DAPK1: variants seen among roughly 807,000 people sequenced by gnomAD.
DAPK1 encodes the protein death associated protein kinase 1, also known as death-associated protein kinase 1.
Under a neutral mutation model 144.9 loss-of-function variants are expected in DAPK1, and 56 were observed. The observed-to-expected ratio is 0.39, with a 90% CI of 0.31 to 0.48. DAPK1 has a LOEUF of 0.48. Among genes scored for constraint, DAPK1 ranks in the 20% least tolerant of loss-of-function variants. The pLI, the probability that DAPK1 is intolerant of heterozygous loss-of-function variation, is 0.95. For synonymous variants in DAPK1, 690 were observed against 749.0 expected, an observed-to-expected ratio of 0.92 and a Z score of 1.29; for missense variants, 1,454 against 1,875.4, an observed-to-expected ratio of 0.78 and a Z score of 4.15.
intron 2 of DAPK1, 178 bp downstream of exon 2, chr9:87,499,317 G>A: frequency 1.6e-6 from 1 of 610,134 alleles, no homozygotes; most frequent in Non-Finnish European, 2.9e-6. Context: ...CCAAGGGCCT[G>A]GGGGTGGAGG....
At position 87,632,578 on chromosome 9, in the gene DAPK1, AGG is replaced by A. The variant is rs1829736867; in HGVS notation, c.285-5363_285-5362del. 56 of 975,300 alleles carry A rather than the reference AGG, an allele frequency of 5.7e-5. 1 individual carries two copies. The African/African-American group carries it at 9.1e-4, about 16-fold the overall frequency. The allele number at this position is 975,300 out of a possible 1,614,324, so 60.4% of individuals were successfully genotyped here. A position where few individuals can be genotyped will look rare whatever the true frequency, so the allele number is the denominator to read the frequency against. On this transcript the variant is annotated intron_variant, in intron 3 of 25. Coordinates refer to ENST00000408954, the MANE Select transcript of DAPK1 (RefSeq NM_004938.4). The stretch of plus-strand genomic sequence containing the variant: ...GATGAAGGAGGATGAGTATACATGT[AGG>A]GATGAAGGAGGATGAGTATGTATAT...
intron 18 of DAPK1, among the ~76,000 whole-genome samples, chr9:87,658,768 T>C (rs1830722353): frequency 1.3e-5 from 2 of 152,260 alleles, no homozygotes; most frequent in South Asian, 4.1e-4. Flanking sequence ...TGCAATTTTA[T>C]GGCTGCAGTG....
intron 19 of DAPK1, among the ~76,000 whole-genome samples, chr9:87,671,978 C>T (rs1213698044): frequency 2.0e-5 from 3 of 152,202 alleles, no homozygotes; most frequent in Admixed American, 6.5e-5. Context: ...AGCTCCGCCA[C>T]GCTCTAGCTA....
At chr9:87,661,490 T>C (rs1380426945) in intron 18 of DAPK1, among the ~76,000 whole-genome samples, 1 of 152,166 alleles carries the variant, frequency 6.6e-6, no homozygotes. Context: ...ACATCTGTTA[T>C]TTTTTGACTT....
intron 3 of DAPK1, among the ~76,000 whole-genome samples, chr9:87,624,588 G>A (rs36209408): frequency 0.013 from 1,931 of 152,268 alleles, 53 homozygotes; most frequent in African/African-American, 0.044. Flanking sequence ...TACCAGAGGT[G>A]CAGAAAGGTT....
In DAPK1 at chr9:87,649,600, A is replaced by G. The variant is rs146794835; in HGVS notation, c.1429-321A>G. 3.7e-3 allele frequency among the ~76,000 whole-genome samples: 557 copies of G among 152,332 alleles called. 6 individuals carry two copies. Among genetic ancestry groups the G allele is most frequent in the African/African-American group, 0.013 (520 of 41,582 alleles). On this transcript the variant is annotated intron_variant, in intron 15 of 25. Transcript: ENST00000408954. Reference sequence around the variant, plus strand: ...GCACGAAGGCTCTATTGTTCAGACAAGCAGGGCCGATGGTTTCAACGGGCT... The same window carrying G: ...GCACGAAGGCTCTATTGTTCAGACAGGCAGGGCCGATGGTTTCAACGGGCT...
intron 3 of DAPK1, among the ~76,000 whole-genome samples, chr9:87,612,513 C>A (rs1828965151): frequency 6.6e-6 from 1 of 152,106 alleles, no homozygotes; most frequent in Non-Finnish European, 1.5e-5. Context: ...GACTGCCAGC[C>A]CCCAAAACTA....
chr9:87,639,241 T>G, intron 4 of DAPK1, 113 bp from the exon 5 acceptor site: 1 of 1,006,708 alleles, frequency 9.9e-7, no homozygotes, highest in Non-Finnish European at 1.4e-6. Context: ...CAACCACCCT[T>G]TCTTCCCTAC....
chr9:87,511,869 C>T (rs908507541), intron 2 of DAPK1, among the ~76,000 whole-genome samples: 1 of 151,976 alleles, frequency 6.6e-6, no homozygotes, highest in Non-Finnish European at 1.5e-5. Context: ...TGCCACTACA[C>T]CCAGCTAATT....
intron 2 of DAPK1, among the ~76,000 whole-genome samples, chr9:87,574,562 A>AT (rs1827473426): frequency 6.6e-6 from 1 of 152,190 alleles, no homozygotes; most frequent in African/African-American, 2.4e-5. Flanking sequence ...TAATAATTTA[A>AT]TTAATTACAG....
At chr9:87,522,912 A>G (rs183728755) in intron 2 of DAPK1, among the ~76,000 whole-genome samples, 1 of 151,852 alleles carries the variant, frequency 6.6e-6, no homozygotes, top group Non-Finnish European at 1.5e-5. Flanking sequence ...TTCTATTCAT[A>G]CTCTTTGCCC....
chr9:87,586,246 C>T (rs1440100553), intron 2 of DAPK1, among the ~76,000 whole-genome samples: 1 of 152,126 alleles, frequency 6.6e-6, no homozygotes, highest in African/African-American at 2.4e-5. Flanking sequence ...TGAGATAGCG[C>T]CCCACTGCAC....
At chr9:87,674,514 CAAAAAAAAAA>C (rs35817698) in intron 19 of DAPK1, among the ~76,000 whole-genome samples, 6 of 67,628 alleles carry the variant, frequency 8.9e-5, no homozygotes, top group East Asian at 4.0e-4. Flanking sequence ...GACTCTGTCT[CAAAAAAAAAA>C]AAAAAAAAAA....
At position 87,608,114 on chromosome 9, in the gene DAPK1, A is replaced by G. The variant is rs143860745; in HGVS notation, c.284+2939A>G. Among the ~76,000 whole-genome samples, 16 of 152,332 alleles carry G rather than the reference A, an allele frequency of 1.1e-4. No individual in the cohort carries two copies. The East Asian group carries it at 2.9e-3, about 28-fold the overall frequency. On this transcript the variant is annotated intron_variant, in intron 3 of 25. Transcript: ENST00000408954. The stretch of plus-strand genomic sequence containing the variant: ...ATCAGCAAGGGGGAAGTTCACCCCT[A>G]TGATTCATTCACCTCCCACCAGGCC...
chr9:87,507,086 G>A (rs1824629588), intron 2 of DAPK1: 1 of 152,230 alleles, frequency 6.6e-6, no homozygotes, highest in Admixed American at 6.5e-5. Flanking sequence ...GGAGATACCT[G>A]ACAAGCGTGG....
chr9:87,679,381 G>A (rs1824518816), intron 19 of DAPK1, among the ~76,000 whole-genome samples: 1 of 152,098 alleles, frequency 6.6e-6, no homozygotes, highest in Non-Finnish European at 1.5e-5. Context: ...GTGAGGAAGA[G>A]GCTTCAGGCT....
chr9:87,639,008 A>G (rs535461038), intron 4 of DAPK1, among the ~76,000 whole-genome samples: 8 of 152,152 alleles, frequency 5.3e-5, no homozygotes, highest in African/African-American at 1.9e-4. Context: ...TCCTGCTACA[A>G]TTGGAATAAC....
intron 18 of DAPK1, among the ~76,000 whole-genome samples, chr9:87,667,366 A>G (rs975811020): frequency 1.3e-5 from 2 of 152,202 alleles, no homozygotes; most frequent in African/African-American, 4.8e-5. Flanking sequence ...CAGCAAGGCA[A>G]TTTTGCCTCC....
At chr9:87,556,020 T>C (rs745496020) in intron 2 of DAPK1, among the ~76,000 whole-genome samples, 2 of 152,194 alleles carry the variant, frequency 1.3e-5, no homozygotes, top group African/African-American at 2.4e-5. Flanking sequence ...AATGAGGTAT[T>C]ATGAAGGAAG....
Sources: allele counts gnomAD v4.1 joint callset (sites outside exome capture counted in the v4.1 genomes callset), GRCh38; gene constraint gnomAD v4.1.1; transcripts MANE v1.5; gene names NCBI Gene and HGNC (gene_info 2026-07-23, HGNC 2026-07-21).